ATRNL1: variants seen among roughly 807,000 people sequenced by gnomAD.
The protein encoded by ATRNL1 is attractin-like protein 1.
A neutral mutation model predicts 182.7 loss-of-function variants in ATRNL1; 95 were observed. That is an observed-to-expected ratio of 0.52 (90% CI 0.44 to 0.62). ATRNL1 has a LOEUF of 0.62. ATRNL1 is among the 20% of genes least tolerant of loss of function. The probability of loss-of-function intolerance (pLI) is 0.00; values close to 1 mark genes in which losing one functional copy is unlikely to be tolerated. For missense variants in ATRNL1, 1,471 were observed against 1,679.5 expected (o/e 0.88, Z 2.17); for synonymous variants, 576 against 568.3 (o/e 1.01, Z -0.19).
chr10:115,824,834 G>A (rs536089907), intron 27 of ATRNL1, among the ~76,000 whole-genome samples: 1 of 152,322 alleles, frequency 6.6e-6, no homozygotes, highest in Non-Finnish European at 1.5e-5. Flanking sequence ...TTCAGCCATT[G>A]TGGAAGACAG....
intron 27 of ATRNL1, among the ~76,000 whole-genome samples, chr10:115,814,295 G>T (rs181852540): frequency 2.2e-4 from 34 of 152,152 alleles, no homozygotes; most frequent in South Asian, 1.7e-3. Flanking sequence ...TCTTGATATG[G>T]TAGGCAATGG....
chr10:115,319,058 T>G (rs973145616), intron 18 of ATRNL1, among the ~76,000 whole-genome samples: 4 of 152,180 alleles, frequency 2.6e-5, no homozygotes, highest in African/African-American at 9.6e-5. Flanking sequence ...TGAACACTCC[T>G]TTAGCTGTGT....
chr10:115,717,753 T>A (rs1369660541), intron 26 of ATRNL1, among the ~76,000 whole-genome samples: 1 of 151,910 alleles, frequency 6.6e-6, no homozygotes, highest in Non-Finnish European at 1.5e-5. Flanking sequence ...GATTTCACCA[T>A]GTCAGTTGGC....
At chr10:115,484,377 TA>T (rs1345999486) in intron 24 of ATRNL1, among the ~76,000 whole-genome samples, 1 of 151,532 alleles carries the variant, frequency 6.6e-6, no homozygotes, top group African/African-American at 2.4e-5. Context: ...CTTTTACAGT[TA>T]AAAAAACCAA....
chr10:115,433,054 C>T (rs1189220956), intron 21 of ATRNL1, among the ~76,000 whole-genome samples: 1 of 151,962 alleles, frequency 6.6e-6, no homozygotes, highest in East Asian at 1.9e-4. Flanking sequence ...TAATATACTT[C>T]CAAGTAATTG....
In ATRNL1 at chr10:115,448,251, A is replaced by C. The variant is rs1022205041; in HGVS notation, c.3323-13690A>C. Among the ~76,000 whole-genome samples, 13 of 152,270 alleles carry C rather than the reference A, an allele frequency of 8.5e-5. No individual in the cohort carries two copies. In the East Asian group the frequency reaches 1.9e-3, roughly 23 times the overall value. ...ACATTTATACATTCTTCTCTTTGCT[A>C]CATGGCACCTACCCTAAACTCGAAT... is the stretch of plus-strand genomic sequence containing the variant. On this transcript the variant is annotated intron_variant, in intron 21 of 28. Transcript: ENST00000355044.
At chr10:115,901,233 G>A (rs573341332) in intron 28 of ATRNL1, among the ~76,000 whole-genome samples, 3 of 152,272 alleles carry the variant, frequency 2.0e-5, no homozygotes, top group Non-Finnish European at 4.4e-5. Flanking sequence ...ATGGACACAT[G>A]AGACAGTTCT....
At chr10:115,618,270 A>G (rs571034176) in intron 26 of ATRNL1, among the ~76,000 whole-genome samples, 1 of 152,222 alleles carries the variant, frequency 6.6e-6, no homozygotes, top group South Asian at 2.1e-4. Flanking sequence ...GACTTTTGAT[A>G]TTTTAAATAT....
intron 1 of ATRNL1, among the ~76,000 whole-genome samples, chr10:115,107,783 T>C (rs1164679597): frequency 6.6e-6 from 1 of 152,246 alleles, no homozygotes; most frequent in Non-Finnish European, 1.5e-5. Flanking sequence ...TTATTTCCTA[T>C]ACTTTTCAGA....
intron 10 of ATRNL1, among the ~76,000 whole-genome samples, chr10:115,262,967 G>A (rs924633039): frequency 6.6e-6 from 1 of 151,866 alleles, no homozygotes; most frequent in Non-Finnish European, 1.5e-5. Context: ...TAAAATCGAA[G>A]TTGTGTCTTT....
At chr10:115,615,888 G>A (rs1358320320) in intron 26 of ATRNL1, among the ~76,000 whole-genome samples, 4 of 152,118 alleles carry the variant, frequency 2.6e-5, no homozygotes, top group Admixed American at 6.5e-5. Flanking sequence ...AGCAATGCGA[G>A]AATGGACTAA....
At chr10:115,183,348 A>G (rs1554888140) in intron 8 of ATRNL1, among the ~76,000 whole-genome samples, 1 of 151,556 alleles carries the variant, frequency 6.6e-6, no homozygotes, top group Non-Finnish European at 1.5e-5. Flanking sequence ...AGATTTTTGC[A>G]TAACTTTTTA....
At chr10:115,891,838 T>G (rs2134464985) in intron 28 of ATRNL1, among the ~76,000 whole-genome samples, 1 of 152,292 alleles carries the variant, frequency 6.6e-6, no homozygotes, top group Middle Eastern at 3.4e-3. Flanking sequence ...TAAGACTGAT[T>G]TTTTTTGTTG....
intron 24 of ATRNL1, among the ~76,000 whole-genome samples, chr10:115,491,627 C>T (rs1849305471): frequency 6.6e-6 from 1 of 152,166 alleles, no homozygotes; most frequent in Admixed American, 6.5e-5. Context: ...AGTTCAACCT[C>T]AGACTGCTGT....
intron 19 of ATRNL1, among the ~76,000 whole-genome samples, chr10:115,379,065 T>G (rs1403397538): frequency 6.6e-6 from 1 of 152,154 alleles, no homozygotes; most frequent in Non-Finnish European, 1.5e-5. Context: ...TTCAATAACT[T>G]TTTTTGCATC....
chr10:115,211,244 C>CT (rs879993228), intron 8 of ATRNL1, among the ~76,000 whole-genome samples: 56 of 139,036 alleles, frequency 4.0e-4, no homozygotes, highest in African/African-American at 5.8e-4. Context: ...ATGACAAATT[C>CT]TTTTTTTTTT....
chr10:115,662,810 GAA>G (rs1860775811), intron 26 of ATRNL1, among the ~76,000 whole-genome samples: 1 of 151,952 alleles, frequency 6.6e-6, no homozygotes, highest in Non-Finnish European at 1.5e-5. Context: ...GCTCCAAATA[GAA>G]AAGTTTTACT....
intron 26 of ATRNL1, among the ~76,000 whole-genome samples, chr10:115,663,881 C>A (rs1555038904): frequency 6.6e-6 from 1 of 151,716 alleles, no homozygotes; most frequent in African/African-American, 2.4e-5. Flanking sequence ...AATCTCTATG[C>A]CCTGTGACTG....
intron 25 of ATRNL1, among the ~76,000 whole-genome samples, chr10:115,545,744 T>C (rs180946002): frequency 8.5e-5 from 13 of 152,328 alleles, no homozygotes; most frequent in African/African-American, 2.6e-4. Context: ...ATCTACTGAA[T>C]ATAAGTAACT....
Sources: gnomAD v4.1 joint callset for allele counts (sites outside exome capture counted in the v4.1 genomes callset) on GRCh38, gnomAD v4.1.1 for gene constraint, MANE v1.5 for transcripts, NCBI Gene and HGNC (gene_info 2026-07-23, HGNC 2026-07-21) for gene names.